TF: variants seen among roughly 807,000 people sequenced by gnomAD.
The protein encoded by TF is transferrin.
A neutral mutation model predicts 82.4 loss-of-function variants in TF; 55 were observed. That is an observed-to-expected ratio of 0.67 (90% CI 0.54 to 0.84). The LOEUF is 0.84. Among genes scored for constraint, TF ranks in the 40% least tolerant of loss-of-function variants. The pLI is 0.00. For synonymous variants in TF, 332 were observed against 332.6 expected (o/e 1.00, Z 0.02); for missense variants, 737 against 868.4 (o/e 0.85, Z 1.90).
chr3:133,745,871 A>G (rs143669022), upstream of TF: 39 of 157,312 alleles, frequency 2.5e-4, no homozygotes, highest in Non-Finnish European at 3.7e-4. Flanking sequence ...CAGGATTTCG[A>G]GGGACACCTG....
chr3:133,705,147 T>C, the TF span, among the ~76,000 whole-genome samples: 1 of 151,962 alleles, frequency 6.6e-6, no homozygotes, highest in Non-Finnish European at 1.5e-5. Context: ...TGGCAGCAGG[T>C]GCCTGTAATC....
intron 13 of TF, among the ~76,000 whole-genome samples, chr3:133,768,414 AC>A (rs1277390648): frequency 6.6e-6 from 1 of 151,732 alleles, no homozygotes; most frequent in African/African-American, 2.4e-5. Flanking sequence ...GGGTGATTTG[AC>A]CCCCACGGGA....
intron 14 of TF, 59 bp from the exon 15 acceptor site, chr3:133,775,374 T>A: frequency 2.5e-6 from 4 of 1,580,478 alleles, no homozygotes; most frequent in Non-Finnish European, 2.6e-6. Flanking sequence ...CAGTTCCATC[T>A]CCCCAGCGGG....
rs2107942443 is a variant in TF at position 133,784,283 on chromosome 3, C to T, written c.*5663C>T. The T allele has an allele frequency of 6.6e-6, 1 of 152,158 alleles. No homozygotes were observed. The highest frequency in any genetic ancestry group is 6.5e-5 in the Admixed American group (1 of 15,294). The allele number at this position is 152,158 out of a possible 1,614,324, so 9.4% of individuals were successfully genotyped here. On this transcript the variant is annotated 3_prime_UTR_variant, in exon 17 of 17. Coordinates refer to ENST00000402696, the MANE Select transcript of TF (RefSeq NM_001063.4). The stretch of plus-strand genomic sequence containing the variant: ...TTAGGCCCATCGGAAAGGCCCACCA[C>T]CCTTTAGGAAGATTACTGGCTGTTT...
intron 3 of TF, 57 bp from the exon 4 acceptor site, chr3:133,754,438 G>A: frequency 6.4e-7 from 1 of 1,567,072 alleles, no homozygotes. Flanking sequence ...CGGTGGTGAT[G>A]AGCCATGTTT....
the TF span, among the ~76,000 whole-genome samples, chr3:133,662,567 G>A: frequency 2.0e-5 from 3 of 152,186 alleles, no homozygotes; most frequent in Non-Finnish European, 4.4e-5. Flanking sequence ...CCCCTTCAGT[G>A]GACATCGCCG....
chr3:133,692,010 G>A, the TF span, among the ~76,000 whole-genome samples: 2 of 152,210 alleles, frequency 1.3e-5, no homozygotes, highest in Non-Finnish European at 2.9e-5. Context: ...CTCTTCCTGG[G>A]CGACTGCAAA....
chr3:133,695,392 C>T, the TF span, among the ~76,000 whole-genome samples: 1 of 151,958 alleles, frequency 6.6e-6, no homozygotes, highest in Non-Finnish European at 1.5e-5. Context: ...GGACTACAGG[C>T]ACATGCCACT....
At chr3:133,666,081 A>G in the TF span, among the ~76,000 whole-genome samples, 2 of 152,346 alleles carry the variant, frequency 1.3e-5, no homozygotes, top group East Asian at 3.9e-4. Flanking sequence ...ATTAAAGCCA[A>G]ACTAAAAATA....
rs1380867984 is a variant in TF, at chr3:133,775,521, G to T, written c.1776G>T (p.Glu592Asp). Reference sequence around the variant, plus strand: ...ATGGTACCAGGAAACCTGTGGAGGAGTATGCGAACTGCCACCTGGCCAGAG... The same window carrying T: ...ATGGTACCAGGAAACCTGTGGAGGATTATGCGAACTGCCACCTGGCCAGAG... ...CLDGTRKPVE[E>D]YANCHLARAP... The change falls in exon 15 of 17, where the codon GAG becomes GAT. Residue 592 changes from glutamate to aspartate, a missense_variant. Transcript: ENST00000402696. 6.2e-7 allele frequency: 1 copy of T among 1,614,232 alleles called. No individual in the cohort carries two copies. Among genetic ancestry groups the T allele is most frequent in the Non-Finnish European group, 8.5e-7 (1 of 1,180,040 alleles).
chr3:133,748,584 G>GCAA lies in TF; in HGVS notation c.216_216+1insCAA (p.Ala72_Ala73insGln). 6.2e-7 allele frequency: 1 copy of GCAA among 1,614,014 alleles called. No homozygotes were observed. On this transcript the variant is annotated inframe_insertion and splice_region_variant. Transcript: ENST00000402696. The stretch of plus-strand genomic sequence containing the variant: ...ACCTTGATTGCATCAGGGCCATTGC[G>GCAA]GTAAGTCGCTGCTGCCTAAAAGAGA...
At chr3:133,747,293 C>T (rs931449923) in intron 1 of TF, 3 of 152,352 alleles carry the variant, frequency 2.0e-5, no homozygotes, top group African/African-American at 4.8e-5. Flanking sequence ...AGGTAATGCT[C>T]CACTGAGGAC....
the TF span, among the ~76,000 whole-genome samples, chr3:133,724,457 A>G: frequency 6.6e-6 from 1 of 150,594 alleles, no homozygotes; most frequent in Admixed American, 6.6e-5. Context: ...ATGTCTTCTT[A>G]TGAGAAGTGT....
the TF span, among the ~76,000 whole-genome samples, chr3:133,711,598 C>A: frequency 3.9e-5 from 6 of 152,216 alleles, no homozygotes; most frequent in Admixed American, 3.3e-4. Context: ...CATCTCCCTC[C>A]CCTTTGTGCT....
the TF span, among the ~76,000 whole-genome samples, chr3:133,675,537 T>A: frequency 6.6e-6 from 1 of 152,216 alleles, no homozygotes; most frequent in Admixed American, 6.5e-5. Context: ...GGAGGTTTCA[T>A]AGAAAGGAGA....
the TF span, among the ~76,000 whole-genome samples, chr3:133,731,934 G>A: frequency 1.3e-5 from 2 of 152,092 alleles, no homozygotes; most frequent in East Asian, 3.9e-4. Flanking sequence ...AATAGAAGGT[G>A]GGCATAGGGA....
At chr3:133,753,137 A>T (rs1306267213) in intron 2 of TF, among the ~76,000 whole-genome samples, 1 of 152,228 alleles carries the variant, frequency 6.6e-6, no homozygotes, top group Non-Finnish European at 1.5e-5. Flanking sequence ...AGCAAAGGTC[A>T]TGGGCTAGGA....
the TF span, among the ~76,000 whole-genome samples, chr3:133,674,559 G>A: frequency 6.6e-6 from 1 of 152,194 alleles, no homozygotes; most frequent in Non-Finnish European, 1.5e-5. Context: ...AAAGCCGGAC[G>A]AGGCGCGAGA....
chr3:133,694,878 A>G, the TF span, among the ~76,000 whole-genome samples: 1 of 101,836 alleles, frequency 9.8e-6, no homozygotes, highest in East Asian at 2.6e-4. Context: ...TTATTTATTT[A>G]TTTATTTATT....
Sources: gnomAD v4.1 joint callset for allele counts (sites outside exome capture counted in the v4.1 genomes callset) on GRCh38, gnomAD v4.1.1 for gene constraint, MANE v1.5 for transcripts, NCBI Gene and HGNC (gene_info 2026-07-23, HGNC 2026-07-21) for gene names.